ZNF333: variants seen among roughly 807,000 people sequenced by gnomAD.
ZNF333 encodes zinc finger protein 333.
ZNF333 carries 61 observed loss-of-function variants against 76.1 expected under a neutral mutation model. The ratio of observed to expected loss-of-function variants is 0.80; its 90% CI spans 0.65 to 0.99. ZNF333 has a LOEUF of 0.99. Among genes scored for constraint, ZNF333 ranks in the 50% least tolerant of loss-of-function variants. The probability of loss-of-function intolerance (pLI) is 0.00; values close to 1 mark genes in which losing one functional copy is unlikely to be tolerated. For synonymous variants in ZNF333, 284 were observed against 305.0 expected (o/e 0.93, Z 0.72); for missense variants, 717 against 822.4 (o/e 0.87, Z 1.57).
intron 11 of ZNF333, among the ~76,000 whole-genome samples, chr19:14,728,686 T>G (rs1344243586): frequency 6.6e-6 from 1 of 152,286 alleles, no homozygotes; most frequent in African/African-American, 2.4e-5. Flanking sequence ...TCCATGTGAA[T>G]CCCTTTACAC....
chr19:14,731,283 T>A, exon 12 of ZNF333: 1 of 1,217,910 alleles, frequency 8.2e-7, no homozygotes, highest in Non-Finnish European at 1.2e-6. Flanking sequence ...GCTTGAAGAC[T>A]CCAAATCTGC....
At chr19:14,694,512 T>G (rs575994323) in intron 2 of ZNF333, among the ~76,000 whole-genome samples, 2 of 151,896 alleles carry the variant, frequency 1.3e-5, no homozygotes, top group South Asian at 2.1e-4. Flanking sequence ...TCAGATGCAA[T>G]GGAAGTCCTA....
chr19:14,721,982 C>T (rs537348433), downstream of ZNF333: 56 of 152,300 alleles, frequency 3.7e-4, no homozygotes, highest in African/African-American at 1.3e-3. Context: ...CTATCTTTAG[C>T]TTTAGTAGAT....
At chr19:14,699,614 C>A (rs1430695795) in intron 5 of ZNF333, among the ~76,000 whole-genome samples, 1 of 152,060 alleles carries the variant, frequency 6.6e-6, no homozygotes, top group Admixed American at 6.6e-5. Flanking sequence ...GCGTGCACCA[C>A]CACGTCTGGC....
intron 7 of ZNF333, among the ~76,000 whole-genome samples, chr19:14,714,310 C>T (rs2042362383): frequency 6.6e-6 from 1 of 152,134 alleles, no homozygotes; most frequent in Non-Finnish European, 1.5e-5. Context: ...TCCAACATGA[C>T]TGTGTCCTTA....
In ZNF333 at chr19:14,720,426, G is replaced by T. The variant is rs140757793; in HGVS notation, c.*1101G>T. ...TCCTGTGACCATAAGGGTAAAAGCC[G>T]CAAGCTAAGAAGAGGGTGGCCGGAA... On this transcript the variant is annotated 3_prime_UTR_variant, in exon 12 of 12. Transcript: ENST00000292530. 35 of 985,262 alleles carry T rather than the reference G, an allele frequency of 3.6e-5. No homozygotes were observed. Among genetic ancestry groups the T allele is most frequent in the Non-Finnish European group, 4.0e-5 (33 of 829,934 alleles). The allele number at this position is 985,262 out of a possible 1,614,324, so 61.0% of individuals were successfully genotyped here.
At chr19:14,717,869 G>A in intron 11 of ZNF333, 136 bp downstream of exon 11, 1 of 812,390 alleles carries the variant, frequency 1.2e-6, no homozygotes, top group East Asian at 2.6e-5. Context: ...GCAGTTTCTT[G>A]GGAGAGAGTC....
At chr19:14,714,899 G>GTCGCCGTATCAT in intron 7 of ZNF333, 1 of 159,030 alleles carries the variant, frequency 6.3e-6, no homozygotes, top group Admixed American at 6.2e-5. Flanking sequence ...GTGTAGAGGG[G>GTCGCCGTATCAT]CAGAGAAAGG....
At chr19:14,692,680 T>C (rs562486049) in intron 1 of ZNF333, among the ~76,000 whole-genome samples, 1 of 152,072 alleles carries the variant, frequency 6.6e-6, no homozygotes, top group East Asian at 1.9e-4. Context: ...GCCCAGCTAA[T>C]TTTTGTATTT....
At chr19:14,711,368 C>T (rs946718036) in intron 7 of ZNF333, among the ~76,000 whole-genome samples, 4 of 152,112 alleles carry the variant, frequency 2.6e-5, no homozygotes, top group Non-Finnish European at 5.9e-5. Flanking sequence ...GCTGGGTTAA[C>T]GCCTTTCTGC....
intron 7 of ZNF333, among the ~76,000 whole-genome samples, chr19:14,710,635 G>A (rs1372519878): frequency 6.6e-6 from 1 of 152,138 alleles, no homozygotes; most frequent in Non-Finnish European, 1.5e-5. Flanking sequence ...AAAATTAGCC[G>A]AGCATGGTGG....
chr19:14,703,475 A>T (rs548065340), intron 5 of ZNF333, among the ~76,000 whole-genome samples: 62 of 152,334 alleles, frequency 4.1e-4, no homozygotes, highest in Non-Finnish European at 7.8e-4. Flanking sequence ...AATGATTCTG[A>T]TGGAAACATT....
At chr19:14,697,115 C>T (rs1337397685) in intron 4 of ZNF333, among the ~76,000 whole-genome samples, 1 of 152,196 alleles carries the variant, frequency 6.6e-6, no homozygotes, top group Non-Finnish European at 1.5e-5. Flanking sequence ...GTGGAGGACA[C>T]ACTTAAACTA....
downstream of ZNF333, among the ~76,000 whole-genome samples, chr19:14,722,217 C>T (rs1194987045): frequency 6.6e-6 from 1 of 152,148 alleles, no homozygotes; most frequent in Admixed American, 6.5e-5. Context: ...TTCTTCTATC[C>T]CTCTATGTAT....
chr19:14,724,137 T>C (rs1599763765), downstream of ZNF333, among the ~76,000 whole-genome samples: 3 of 152,354 alleles, frequency 2.0e-5, 1 homozygote, highest in South Asian at 6.2e-4. Flanking sequence ...CTCAAGACTC[T>C]TCTTGTCCTT....
chr19:14,690,954 G>T (rs1313586585), intron 1 of ZNF333, among the ~76,000 whole-genome samples: 1 of 152,034 alleles, frequency 6.6e-6, no homozygotes, highest in Non-Finnish European at 1.5e-5. Context: ...TTAGCCGAGC[G>T]TAGTGGTGGG....
rs754662468 is a variant in ZNF333 at position 14,717,130 on chromosome 19, TA to T, written c.823+43del. The T allele has an allele frequency of 3.8e-5, 58 of 1,535,630 alleles. No homozygotes were observed. The African/African-American group carries it at 7.6e-4, about 20-fold the overall frequency. ...TCAGGTGAGCATCAGCTCTGGTCAG[TA>T]AGGGGAGTGTCCAGTTTGGAAACTG... is the stretch of plus-strand genomic sequence containing the variant. On this transcript the variant is annotated intron_variant, in intron 10 of 11. Transcript: ENST00000292530.
chr19:14,715,488 G>C lies in ZNF333; in HGVS notation c.600+18G>C. On this transcript the variant is annotated intron_variant, in intron 8 of 11. Transcript: ENST00000292530. ...GTTCACAGGTAGGTAAGAACTTCTT[G>C]TTCTAAAAGAACACTGCTGTGCCCA... 3 of 1,611,164 alleles carry C rather than the reference G, an allele frequency of 1.9e-6. No homozygotes were observed. The highest frequency in any genetic ancestry group is 1.7e-6 in the Non-Finnish European group (2 of 1,177,828).
At chr19:14,731,699 A>T (rs2042672952) in exon 12 of ZNF333, 1 of 152,722 alleles carries the variant, frequency 6.5e-6, no homozygotes, top group Non-Finnish European at 1.5e-5. Flanking sequence ...GAGAAATGAG[A>T]TGGGAAACTC....
Sources: allele counts gnomAD v4.1 joint callset (sites outside exome capture counted in the v4.1 genomes callset), GRCh38; gene constraint gnomAD v4.1.1; transcripts MANE v1.5; gene names NCBI Gene and HGNC (gene_info 2026-07-23, HGNC 2026-07-21).